Variants in BANK1 observed in about 807,000 individuals in gnomAD.
The protein encoded by BANK1 is B-cell scaffold protein with ankyrin repeats.
Under a neutral mutation model 94.5 loss-of-function variants are expected in BANK1, and 95 were observed. The ratio of observed to expected loss-of-function variants is 1.00; its 90% confidence interval spans 0.85 to 1.19. BANK1 has a LOEUF of 1.19. BANK1 is among the 50% of genes most tolerant of loss of function. The pLI, the probability that BANK1 is intolerant of heterozygous loss-of-function variation, is 0.00. For missense variants in BANK1, 987 were observed against 932.2 expected (o/e 1.06, Z -0.77); for synonymous variants, 334 against 308.4 (o/e 1.08, Z -0.87).
intron 2 of BANK1, among the ~76,000 whole-genome samples, chr4:101,853,815 C>T (rs1179047359): frequency 3.3e-5 from 5 of 151,960 alleles, no homozygotes; most frequent in Non-Finnish European, 5.9e-5. Context: ...TGGATCACAC[C>T]GCGTAGAGGG....
At chr4:101,950,060 T>TGTGTGTGTGTGTGC (rs369393040) in intron 7 of BANK1, among the ~76,000 whole-genome samples, 6 of 139,402 alleles carry the variant, frequency 4.3e-5, no homozygotes, top group African/African-American at 1.3e-4. Context: ...TGTGTGTGTG[T>TGTGTGTGTGTGTGC]GCGCGTGCGC....
intron 7 of BANK1, among the ~76,000 whole-genome samples, chr4:101,934,750 C>T (rs948170242): frequency 1.3e-5 from 2 of 151,556 alleles, no homozygotes; most frequent in African/African-American, 4.8e-5. Flanking sequence ...AGCACTGTAA[C>T]AAGCACTATT....
At chr4:102,008,655 C>G (rs999390786) in intron 7 of BANK1, among the ~76,000 whole-genome samples, 1 of 152,138 alleles carries the variant, frequency 6.6e-6, no homozygotes, top group African/African-American at 2.4e-5. Context: ...AGAAACAGCC[C>G]ATTAAGTTAT....
intron 11 of BANK1, among the ~76,000 whole-genome samples, chr4:102,046,588 G>T (rs2148957665): frequency 6.6e-6 from 1 of 152,230 alleles, no homozygotes; most frequent in Middle Eastern, 3.4e-3. Context: ...GCTAGCATGA[G>T]TTTTCTATGG....
chr4:101,841,541 G>A (rs540850833), intron 2 of BANK1, among the ~76,000 whole-genome samples: 1 of 151,896 alleles, frequency 6.6e-6, no homozygotes, highest in Non-Finnish European at 1.5e-5. Context: ...AATCAACAGT[G>A]AACTCCAATG....
At chr4:101,878,981 G>A (rs1044970271) in intron 5 of BANK1, among the ~76,000 whole-genome samples, 2 of 137,668 alleles carry the variant, frequency 1.5e-5, no homozygotes, top group Non-Finnish European at 3.1e-5. Context: ...ATATCTATAA[G>A]TGCCTATGTC....
At chr4:101,993,816 G>T (rs1295677226) in intron 7 of BANK1, among the ~76,000 whole-genome samples, 1 of 152,182 alleles carries the variant, frequency 6.6e-6, no homozygotes, top group African/African-American at 2.4e-5. Context: ...ATGCCTTCCA[G>T]ATTCCATTTT....
chr4:101,951,526 A>G (rs528399734), intron 7 of BANK1, among the ~76,000 whole-genome samples: 11 of 152,230 alleles, frequency 7.2e-5, no homozygotes, highest in Admixed American at 4.6e-4. Flanking sequence ...TTATTCCACA[A>G]TACCTTGAAC....
chr4:101,882,427 C>A (rs557226332), intron 5 of BANK1, among the ~76,000 whole-genome samples: 3 of 152,118 alleles, frequency 2.0e-5, no homozygotes, highest in South Asian at 4.2e-4. Context: ...AGTAATACAC[C>A]ATGTTAATAC....
At chr4:101,975,180 G>A (rs1386173) in intron 7 of BANK1, among the ~76,000 whole-genome samples, 50,894 of 152,036 alleles carry the variant, frequency 0.33, 9,659 homozygotes, top group Non-Finnish European at 0.43. Context: ...TTCTATGATA[G>A]GAGAGTTCAT....
chr4:101,992,785 G>T (rs540653038), intron 7 of BANK1, among the ~76,000 whole-genome samples: 4 of 152,104 alleles, frequency 2.6e-5, no homozygotes, highest in Middle Eastern at 3.2e-3. Context: ...TATTACTTAA[G>T]CTTCAAGCAT....
At chr4:101,843,699 G>A (rs1189489913) in intron 2 of BANK1, among the ~76,000 whole-genome samples, 5 of 151,982 alleles carry the variant, frequency 3.3e-5, no homozygotes, top group Admixed American at 2.0e-4. Flanking sequence ...GGTGGATCAC[G>A]AGGTCAGGAG....
chr4:101,950,070 C>CGT (rs1724096462), intron 7 of BANK1, among the ~76,000 whole-genome samples: 1 of 150,430 alleles, frequency 6.6e-6, no homozygotes, highest in Non-Finnish European at 1.5e-5. Flanking sequence ...TGCGCGTGCG[C>CGT]GCGCATGTGC....
chr4:101,910,950 A>T lies in BANK1; in HGVS notation c.1010-7043A>T, dbSNP rs567873210. Among the ~76,000 whole-genome samples the T allele has an allele frequency of 2.0e-4, 30 of 152,300 alleles. No individual in the cohort carries two copies. In the South Asian group the frequency reaches 3.9e-3, roughly 20 times the overall value. ...AACAAGAAAACAGAACTACAAAAATAAGTGCCATGAATACAGTGTGTGCAC... is the reference window on the plus strand; with the variant it reads ...AACAAGAAAACAGAACTACAAAAATTAGTGCCATGAATACAGTGTGTGCAC... On this transcript the variant is annotated intron_variant, in intron 6 of 16. Transcript: ENST00000322953.
intron 5 of BANK1, among the ~76,000 whole-genome samples, chr4:101,882,807 T>C (rs1339324492): frequency 6.6e-6 from 1 of 151,366 alleles, no homozygotes; most frequent in East Asian, 1.9e-4. Flanking sequence ...CTCTCTATTC[T>C]GGAAGATCGA....
In BANK1 at chr4:101,930,830, C is replaced by T. The variant is rs562913180; in HGVS notation, c.1206+12641C>T. ...GATTACATCTAATACTTAGAAAAGG[C>T]ACACTTAACCATTTTTAGTATATTC... On this transcript the variant is annotated intron_variant, in intron 7 of 16. Coordinates refer to ENST00000322953, the MANE Select transcript of BANK1 (RefSeq NM_017935.5). 2.0e-5 allele frequency among the ~76,000 whole-genome samples: 3 copies of T among 151,584 alleles called. No homozygotes were observed. In the East Asian group the frequency reaches 5.9e-4, roughly 30 times the overall value.
chr4:102,049,118 A>T (rs546063308), intron 11 of BANK1, among the ~76,000 whole-genome samples: 1 of 152,212 alleles, frequency 6.6e-6, no homozygotes, highest in Non-Finnish European at 1.5e-5. Context: ...GGACTGATTC[A>T]TACCCCCAAT....
At chr4:101,862,883 A>T (rs1727933428) in intron 4 of BANK1, among the ~76,000 whole-genome samples, 1 of 152,068 alleles carries the variant, frequency 6.6e-6, no homozygotes, top group African/African-American at 2.4e-5. Flanking sequence ...TGTGTAATGA[A>T]ATGACATCCA....
chr4:102,004,049 C>G (rs1335887631), intron 7 of BANK1, among the ~76,000 whole-genome samples: 1 of 151,834 alleles, frequency 6.6e-6, no homozygotes, highest in African/African-American at 2.4e-5. Flanking sequence ...TCTGGCACTG[C>G]CTATTCCTTT....
Sources: allele counts gnomAD v4.1 joint callset (sites outside exome capture counted in the v4.1 genomes callset), GRCh38; gene constraint gnomAD v4.1.1; transcripts MANE v1.5; gene names NCBI Gene and HGNC (gene_info 2026-07-23, HGNC 2026-07-21).